The following SPRED1 variants were observed in gnomAD, a reference collection of about 807,000 sequenced individuals.
SPRED1 encodes the protein sprouty-related, EVH1 domain-containing protein 1.
SPRED1 carries 18 observed loss-of-function variants against 52.3 expected under a neutral mutation model. The ratio of observed to expected loss-of-function variants is 0.34; its 90% confidence interval spans 0.24 to 0.51. The LOEUF (loss-of-function observed/expected upper bound fraction) is 0.51, where lower values mean the gene tolerates loss of function less well. Ranked by LOEUF, SPRED1 falls within the 20% of genes least tolerant of loss-of-function variation. SPRED1 has a pLI of 0.97. For missense variants in SPRED1, 485 were observed against 551.0 expected, an observed-to-expected ratio of 0.88 and a Z score of 1.20; for synonymous variants, 155 against 179.7, an observed-to-expected ratio of 0.86 and a Z score of 1.10.
intron 1 of SPRED1, among the ~76,000 whole-genome samples, chr15:38,277,186 A>G (rs1486426755): frequency 3.9e-5 from 6 of 152,254 alleles, no homozygotes; most frequent in Admixed American, 3.9e-4. Context: ...GGTAAATTTT[A>G]TGACACGGGG....
At chr15:38,281,671 T>G (rs1197162994) in intron 1 of SPRED1, among the ~76,000 whole-genome samples, 1 of 150,076 alleles carries the variant, frequency 6.7e-6, no homozygotes, top group Non-Finnish European at 1.5e-5. Flanking sequence ...GGTGTTAGGA[T>G]TAGGCATAAG....
At chr15:38,256,087 T>TC (rs1894090314) in intron 1 of SPRED1, among the ~76,000 whole-genome samples, 1 of 152,162 alleles carries the variant, frequency 6.6e-6, no homozygotes, top group Non-Finnish European at 1.5e-5. Flanking sequence ...TAGTGGGGGA[T>TC]CTGTTATGTG....
At chr15:38,342,762 T>C (rs187712691) in intron 5 of SPRED1, among the ~76,000 whole-genome samples, 4 of 152,266 alleles carry the variant, frequency 2.6e-5, no homozygotes, top group Admixed American at 6.5e-5. Flanking sequence ...TATTAGGTTA[T>C]GTATTTTGTT....
intron 2 of SPRED1, among the ~76,000 whole-genome samples, chr15:38,320,062 T>C (rs954346419): frequency 7.2e-5 from 11 of 152,184 alleles, no homozygotes; most frequent in Admixed American, 5.2e-4. Flanking sequence ...TGTAAAAATA[T>C]AGTAAAATAA....
At chr15:38,329,094 TCA>T (rs1327570673) in intron 4 of SPRED1, among the ~76,000 whole-genome samples, 3 of 152,126 alleles carry the variant, frequency 2.0e-5, no homozygotes, top group Non-Finnish European at 2.9e-5. Flanking sequence ...GACAGAGTTG[TCA>T]CAACATTTAC....
At chr15:38,318,604 A>G (rs1310773249) in intron 2 of SPRED1, among the ~76,000 whole-genome samples, 1 of 152,216 alleles carries the variant, frequency 6.6e-6, no homozygotes, top group Non-Finnish European at 1.5e-5. Context: ...CCCCTGTAGT[A>G]GTTCCCAGTG....
intron 1 of SPRED1, among the ~76,000 whole-genome samples, chr15:38,270,483 A>C (rs889441212): frequency 6.6e-6 from 1 of 152,232 alleles, no homozygotes; most frequent in Non-Finnish European, 1.5e-5. Context: ...ATTAACTCAC[A>C]GTTCTGTAGG....
At chr15:38,342,690 C>A (rs975276384) in intron 5 of SPRED1, among the ~76,000 whole-genome samples, 1 of 152,060 alleles carries the variant, frequency 6.6e-6, no homozygotes, top group African/African-American at 2.4e-5. Context: ...GAAGTTTCTA[C>A]CCTTCCTATT....
At chr15:38,315,678 A>G (rs550995243) in intron 2 of SPRED1, among the ~76,000 whole-genome samples, 2 of 152,050 alleles carry the variant, frequency 1.3e-5, no homozygotes, top group South Asian at 2.1e-4. Flanking sequence ...TCCATTAACA[A>G]ACTCTTCAGA....
At chr15:38,257,457 G>T (rs1327731062) in intron 1 of SPRED1, among the ~76,000 whole-genome samples, 3 of 151,970 alleles carry the variant, frequency 2.0e-5, no homozygotes, top group African/African-American at 7.3e-5. Context: ...GTTTAAGAAG[G>T]CTTACCTTTT....
intron 1 of SPRED1, 154 bp from the exon 2 acceptor site, chr15:38,299,219 A>T (rs751895777): frequency 2.3e-6 from 2 of 873,596 alleles, no homozygotes; most frequent in Non-Finnish European, 3.8e-6. Context: ...ACCTCTTTCA[A>T]GTAGGCTACT....
intron 6 of SPRED1, 144 bp downstream of exon 6, chr15:38,349,667 C>T (rs527826949): frequency 4.5e-5 from 28 of 623,300 alleles, no homozygotes; most frequent in African/African-American, 3.9e-4. Context: ...TGTGCTTAAA[C>T]GCTGTTAGTT....
chr15:38,305,984 T>C (rs916112859), intron 2 of SPRED1, among the ~76,000 whole-genome samples: 1 of 151,572 alleles, frequency 6.6e-6, no homozygotes, highest in African/African-American at 2.4e-5. Context: ...CAAATAAGGC[T>C]ACTATTTTTT....
intron 4 of SPRED1, among the ~76,000 whole-genome samples, chr15:38,332,932 CTTGG>C (rs1214303560): frequency 1.3e-5 from 2 of 152,150 alleles, no homozygotes; most frequent in African/African-American, 2.4e-5. Flanking sequence ...ATAAGTGATA[CTTGG>C]CTATATCCTC....
intron 2 of SPRED1, among the ~76,000 whole-genome samples, chr15:38,317,123 T>A (rs1895505601): frequency 6.6e-6 from 1 of 151,930 alleles, no homozygotes; most frequent in African/African-American, 2.4e-5. Context: ...ATTAATACGA[T>A]GGGGACCTGA....
chr15:38,328,339 A>G (rs1895747431), intron 4 of SPRED1, among the ~76,000 whole-genome samples: 1 of 152,222 alleles, frequency 6.6e-6, no homozygotes, highest in Non-Finnish European at 1.5e-5. Context: ...AATTAATTCA[A>G]CAAATATTTG....
intron 1 of SPRED1, among the ~76,000 whole-genome samples, chr15:38,255,371 C>G (rs963885848): frequency 6.6e-6 from 1 of 151,968 alleles, no homozygotes; most frequent in Non-Finnish European, 1.5e-5. Context: ...ACAAATTTAT[C>G]CTGCTTTATT....
chr15:38,254,727 G>T (rs1894055153), intron 1 of SPRED1, among the ~76,000 whole-genome samples: 1 of 152,188 alleles, frequency 6.6e-6, no homozygotes, highest in Non-Finnish European at 1.5e-5. Context: ...AGTTCGGGGA[G>T]GTGCTGGGAT....
intron 1 of SPRED1, among the ~76,000 whole-genome samples, chr15:38,293,786 G>A (rs1404134336): frequency 6.6e-6 from 1 of 152,054 alleles, no homozygotes; most frequent in African/African-American, 2.4e-5. Flanking sequence ...TATGTCTACT[G>A]TCATCTTTTG....
Sources: allele counts gnomAD v4.1 joint callset (sites outside exome capture counted in the v4.1 genomes callset), GRCh38; gene constraint gnomAD v4.1.1; transcripts MANE v1.5; gene names NCBI Gene and HGNC (gene_info 2026-07-23, HGNC 2026-07-21).